The following AAK1 variants were observed in gnomAD, a reference collection of about 807,000 sequenced individuals.
AAK1 encodes the protein AP2-associated protein kinase 1.
A neutral mutation model predicts 116.0 loss-of-function variants in AAK1; 37 were observed. The ratio of observed to expected loss-of-function variants is 0.32; its 90% CI spans 0.25 to 0.42. The LOEUF (loss-of-function observed/expected upper bound fraction) is 0.42. Among genes scored for constraint, AAK1 ranks in the 10% least tolerant of loss-of-function variants. The probability of loss-of-function intolerance (pLI) is 1.00; values close to 1 mark genes in which losing one functional copy is unlikely to be tolerated. For synonymous variants in AAK1, 458 were observed against 439.9 expected, an observed-to-expected ratio of 1.04 and a Z score of -0.51; for missense variants, 919 against 1,170.6, an observed-to-expected ratio of 0.79 and a Z score of 3.14.
chr2:69,518,924 C>G, intron 12 of AAK1, 30 bp downstream of exon 12: 3 of 1,505,712 alleles, frequency 2.0e-6, no homozygotes, highest in South Asian at 1.3e-5. Flanking sequence ...CTCAGATATG[C>G]AAGCAAGGGC....
At chr2:69,481,416 A>T (rs1443501577) in intron 18 of AAK1, 1 of 153,214 alleles carries the variant, frequency 6.5e-6, no homozygotes, top group Non-Finnish European at 1.5e-5. Flanking sequence ...TGGTAATTTC[A>T]CTTTTATTAA....
chr2:69,578,235 C>T (rs1672394920), intron 2 of AAK1, among the ~76,000 whole-genome samples: 1 of 152,184 alleles, frequency 6.6e-6, no homozygotes, highest in Admixed American at 6.5e-5. Context: ...AAAATGTTTT[C>T]AGTGAAATAT....
chr2:69,487,671 T>C (rs1675349971), intron 17 of AAK1, among the ~76,000 whole-genome samples: 1 of 152,154 alleles, frequency 6.6e-6, no homozygotes, highest in Non-Finnish European at 1.5e-5. Flanking sequence ...AAATTATTCA[T>C]AAATTGTATT....
chr2:69,505,497 T>G, intron 16 of AAK1, 72 bp downstream of exon 16: 1 of 1,193,832 alleles, frequency 8.4e-7, no homozygotes, highest in Non-Finnish European at 1.2e-6. Context: ...ATGCTAGAGT[T>G]ATCTGTGGAG....
At chr2:69,552,215 GT>G (rs1158008825) in intron 3 of AAK1, among the ~76,000 whole-genome samples, 1 of 152,172 alleles carries the variant, frequency 6.6e-6, no homozygotes, top group African/African-American at 2.4e-5. Context: ...TCAAGGCTGT[GT>G]GGTATTGGTA....
chr2:69,525,271 G>T (rs1417657720), intron 9 of AAK1, among the ~76,000 whole-genome samples, 159 bp from the exon 10 acceptor site: 1 of 152,212 alleles, frequency 6.6e-6, no homozygotes, highest in South Asian at 2.1e-4. Context: ...TAGAGGGAAG[G>T]AAAGTTAACC....
At chr2:69,599,788 G>C (rs1673478198) in intron 2 of AAK1, among the ~76,000 whole-genome samples, 1 of 152,038 alleles carries the variant, frequency 6.6e-6, no homozygotes, top group Admixed American at 6.5e-5. Context: ...GTTTGTTGTT[G>C]TTGTTTTGAA....
chr2:69,608,126 TGGCAATAAATGCAGGC>T (rs1673890363), intron 2 of AAK1, among the ~76,000 whole-genome samples: 1 of 152,212 alleles, frequency 6.6e-6, no homozygotes, highest in African/African-American at 2.4e-5. Context: ...CAATGTGTCC[TGGCAATAAATGCAGGC>T]AGCAATAAAT....
At chr2:69,490,374 C>T (rs1406637525) in intron 17 of AAK1, among the ~76,000 whole-genome samples, 1 of 152,144 alleles carries the variant, frequency 6.6e-6, no homozygotes, top group Non-Finnish European at 1.5e-5. Flanking sequence ...TTCACAGAGG[C>T]ATCTCTCACA....
At chr2:69,585,689 A>G (rs896140985) in intron 2 of AAK1, among the ~76,000 whole-genome samples, 56 of 152,200 alleles carry the variant, frequency 3.7e-4, no homozygotes, top group African/African-American at 1.4e-3. Flanking sequence ...TCACTTACCC[A>G]AAAAGTATGT....
At chr2:69,496,585 T>C (rs566942234) in intron 16 of AAK1, among the ~76,000 whole-genome samples, 8 of 152,150 alleles carry the variant, frequency 5.3e-5, no homozygotes, top group Non-Finnish European at 8.8e-5. Flanking sequence ...TTGCAACATA[T>C]TATGAGATGC....
At position 69,500,205 on chromosome 2, in the gene AAK1, C is replaced by T. The variant is rs548888605; in HGVS notation, c.2270-4125G>A. 5 of 152,188 alleles carry T rather than the reference C, an allele frequency of 3.3e-5. No individual in the cohort carries two copies. In the South Asian group the frequency reaches 1.0e-3, roughly 32 times the overall value. The allele number at this position is 152,188 out of a possible 1,614,324, so 9.4% of individuals were successfully genotyped here. A position where few individuals can be genotyped will look rare whatever the true frequency, so the allele number is the denominator to read the frequency against. On this transcript the variant is annotated intron_variant, in intron 16 of 21. Coordinates refer to ENST00000409085, the MANE Select transcript of AAK1 (RefSeq NM_014911.5). ...TTTATAGAAAATGATGTCATCTTGC[C>T]CTTTGTACAAACGAGAGCAAATGAG...
chr2:69,470,245 G>C lies in AAK1; in HGVS notation c.*5624C>G, dbSNP rs572240276. The C allele has an allele frequency of 4.2e-5, 41 of 985,408 alleles. No homozygotes were observed. In the African/African-American group the frequency reaches 6.6e-4, roughly 16 times the overall value. The allele number at this position is 985,408 out of a possible 1,614,324, so 61.0% of individuals were successfully genotyped here. ...GCCAAAAACAGAAAACGAAGACTTG[G>C]AGCATTGAGAAGAAGCCTTCTCACA... On this transcript the variant is annotated 3_prime_UTR_variant, in exon 22 of 22. Transcript: ENST00000409085.
chr2:69,501,968 C>A (rs1238224750), intron 16 of AAK1, among the ~76,000 whole-genome samples: 1 of 151,950 alleles, frequency 6.6e-6, no homozygotes, highest in African/African-American at 2.4e-5. Flanking sequence ...GAGACACCAT[C>A]TCACACAAAC....
chr2:69,564,613 T>G (rs571794069), intron 2 of AAK1, among the ~76,000 whole-genome samples: 38 of 152,328 alleles, frequency 2.5e-4, no homozygotes, highest in African/African-American at 8.4e-4. Flanking sequence ...TATGCCCCGC[T>G]TCACCTTGAG....
chr2:69,527,574 C>G (rs1034713349), intron 8 of AAK1, among the ~76,000 whole-genome samples: 2 of 152,104 alleles, frequency 1.3e-5, no homozygotes, highest in Non-Finnish European at 2.9e-5. Context: ...CTATGCTTTG[C>G]ACCAGAGGGA....
chr2:69,587,490 C>T lies in AAK1; in HGVS notation c.164-30512G>A, dbSNP rs554561640. Among the ~76,000 whole-genome samples, 122 of 142,980 alleles carry T rather than the reference C, an allele frequency of 8.5e-4. 1 individual carries two copies. Among genetic ancestry groups the T allele is most frequent in the African/African-American group, 3.1e-3 (117 of 37,996 alleles). The allele number at this position is 142,980 out of a possible 152,430, so 93.8% of individuals were successfully genotyped here. A position where few individuals can be genotyped will look rare whatever the true frequency, so the allele number is the denominator to read the frequency against. On this transcript the variant is annotated intron_variant, in intron 2 of 21. Transcript: ENST00000409085. ...ATATATATATATATTTTTTTGATGT[C>T]GTTTCGCTCTTGTTGCCCAGGCTGG... is the stretch of plus-strand genomic sequence containing the variant.
intron 17 of AAK1, among the ~76,000 whole-genome samples, chr2:69,484,996 A>G (rs1186867723): frequency 6.6e-6 from 1 of 152,224 alleles, no homozygotes; most frequent in African/African-American, 2.4e-5. Flanking sequence ...TTATATTAGC[A>G]TTAACCTTAC....
At chr2:69,611,976 TG>T (rs1186708680) in intron 2 of AAK1, among the ~76,000 whole-genome samples, 3 of 152,108 alleles carry the variant, frequency 2.0e-5, no homozygotes, top group Non-Finnish European at 1.5e-5. Context: ...AGTAGAATGG[TG>T]GCTGCCAGGG....
Sources: allele counts gnomAD v4.1 joint callset (sites outside exome capture counted in the v4.1 genomes callset), GRCh38; gene constraint gnomAD v4.1.1; transcripts MANE v1.5; gene names NCBI Gene and HGNC (gene_info 2026-07-23, HGNC 2026-07-21).